MORN5: variants seen among roughly 807,000 people sequenced by gnomAD.
MORN5 encodes MORN repeat containing 5, also known as MORN repeat-containing protein 5.
MORN5 carries 21 observed loss-of-function variants against 22.1 expected under a neutral mutation model. The observed-to-expected ratio is 0.95, with a 90% CI of 0.67 to 1.37. MORN5 has a LOEUF of 1.37. MORN5 is among the 40% of genes most tolerant of loss of function. MORN5 has a pLI of 0.00. For missense variants in MORN5, 211 were observed against 215.1 expected, an observed-to-expected ratio of 0.98 and a Z score of 0.12; for synonymous variants, 73 against 74.0, an observed-to-expected ratio of 0.99 and a Z score of 0.07.
chr9:122,182,470 G>A (rs1178915343), intron 4 of MORN5, among the ~76,000 whole-genome samples: 1 of 152,250 alleles, frequency 6.6e-6, no homozygotes, highest in Non-Finnish European at 1.5e-5. Context: ...GCTTACCTTG[G>A]CCATGTGCAG....
At chr9:122,179,617 C>T (rs1687944552) in intron 4 of MORN5, among the ~76,000 whole-genome samples, 1 of 152,076 alleles carries the variant, frequency 6.6e-6, no homozygotes, top group Non-Finnish European at 1.5e-5. Context: ...AGGGCCCTTC[C>T]AACCTTAAGT....
chr9:122,187,306 T>C (rs1004459083), intron 4 of MORN5, among the ~76,000 whole-genome samples: 2 of 152,234 alleles, frequency 1.3e-5, no homozygotes, highest in Non-Finnish European at 2.9e-5. Flanking sequence ...CTGCTTTTAA[T>C]TCTAATTTCA....
intron 4 of MORN5, among the ~76,000 whole-genome samples, chr9:122,176,246 C>A (rs1397161462): frequency 6.6e-6 from 1 of 152,088 alleles, no homozygotes; most frequent in Non-Finnish European, 1.5e-5. Flanking sequence ...CACTCCAAGT[C>A]CCCCAGCTCA....
intron 4 of MORN5, among the ~76,000 whole-genome samples, chr9:122,192,781 A>G (rs992471149): frequency 6.6e-6 from 1 of 152,244 alleles, no homozygotes; most frequent in African/African-American, 2.4e-5. Flanking sequence ...AGGAACCAGC[A>G]GCTGGCGGTC....
Position 122,185,418 on chromosome 9 carries a change from G to A in MORN5, c.439+10791G>A, listed in dbSNP as rs547593750. 1.4e-3 allele frequency among the ~76,000 whole-genome samples: 200 copies of A among 144,284 alleles called. 1 individual carries two copies. Among genetic ancestry groups the A allele is most frequent in the African/African-American group, 5.0e-3 (186 of 37,144 alleles). The allele number at this position is 144,284 out of a possible 152,430, so 94.7% of individuals were successfully genotyped here. Reference sequence around the variant, plus strand: ...TTTTTTTTGTATTTTTAGTAGAGTCGGGGTTTCACCATGTAGCCAGGATGG... The same window carrying A: ...TTTTTTTTGTATTTTTAGTAGAGTCAGGGTTTCACCATGTAGCCAGGATGG... On this transcript the variant is annotated intron_variant, in intron 4 of 4. Transcript: ENST00000373764.
intron 4 of MORN5, among the ~76,000 whole-genome samples, chr9:122,186,227 C>A (rs1440038644): frequency 6.6e-6 from 1 of 152,086 alleles, no homozygotes; most frequent in Non-Finnish European, 1.5e-5. Flanking sequence ...AGGAATAGAC[C>A]ATTATTCGTA....
At chr9:122,161,731 T>C (rs1293450664) in intron 1 of MORN5, among the ~76,000 whole-genome samples, 1 of 152,210 alleles carries the variant, frequency 6.6e-6, no homozygotes. Flanking sequence ...GGGCTGTATA[T>C]GGGTGAGAGA....
intron 4 of MORN5, among the ~76,000 whole-genome samples, chr9:122,183,707 C>T (rs182363174): frequency 1.3e-5 from 2 of 152,302 alleles, no homozygotes; most frequent in East Asian, 3.9e-4. Flanking sequence ...GCACATCTGG[C>T]AAATGTCCTA....
chr9:122,179,177 G>A (rs957779986), intron 4 of MORN5, among the ~76,000 whole-genome samples: 1 of 152,182 alleles, frequency 6.6e-6, no homozygotes, highest in Non-Finnish European at 1.5e-5. Flanking sequence ...CATAAATAGG[G>A]AGCTCCAAGT....
rs1240348041 is a variant in MORN5 at position 122,197,264 on chromosome 9, T to C, written c.440-2621T>C. Among the ~76,000 whole-genome samples, 1 of 151,666 alleles carries C rather than the reference T, an allele frequency of 6.6e-6. No homozygotes were observed. The highest frequency in any genetic ancestry group is 2.4e-5 in the African/African-American group (1 of 41,014). On this transcript the variant is annotated intron_variant, in intron 4 of 4. Coordinates refer to ENST00000373764, the MANE Select transcript of MORN5 (RefSeq NM_198469.4). This position sits in a 1 kb window ranked among gnomAD's most constrained non-coding sequence, Gnocchi z 5.7. ...GAGTTTGTGGGGTGTTTTTCCCCCA[T>C]CTTTTTTCTCCCTCCTTTCCCTCTC...
At chr9:122,162,022 G>T (rs1829207903) in intron 1 of MORN5, among the ~76,000 whole-genome samples, 1 of 152,122 alleles carries the variant, frequency 6.6e-6, no homozygotes, top group Admixed American at 6.5e-5. Flanking sequence ...TACTGATTTT[G>T]TATTTTTAAC....
intron 4 of MORN5, among the ~76,000 whole-genome samples, chr9:122,185,455 T>C (rs527777877): frequency 6.9e-6 from 1 of 144,274 alleles, no homozygotes; most frequent in South Asian, 2.3e-4. Context: ...CTCGATCTCC[T>C]GACCTCGTGA....
chr9:122,184,821 A>C (rs1399884213), intron 4 of MORN5, among the ~76,000 whole-genome samples: 1 of 152,242 alleles, frequency 6.6e-6, no homozygotes, highest in East Asian at 1.9e-4. Context: ...GCAGAGCTGG[A>C]ATTGGAAGCC....
At chr9:122,191,883 T>C (rs1564423778) in intron 4 of MORN5, among the ~76,000 whole-genome samples, 1 of 152,242 alleles carries the variant, frequency 6.6e-6, no homozygotes, top group East Asian at 1.9e-4. Context: ...CCCTCCATCC[T>C]GGCAGGGAAC....
At chr9:122,165,516 A>G (rs1829263682) in intron 1 of MORN5, among the ~76,000 whole-genome samples, 1 of 151,942 alleles carries the variant, frequency 6.6e-6, no homozygotes, top group South Asian at 2.1e-4. Context: ...TTGAGGCTGC[A>G]TTGAGCCATG....
At chr9:122,160,424 C>T (rs1221454677) in intron 1 of MORN5, among the ~76,000 whole-genome samples, 1 of 152,216 alleles carries the variant, frequency 6.6e-6, no homozygotes, top group East Asian at 1.9e-4. Context: ...TGAATCTACA[C>T]GGTCGCTTCC....
At position 122,199,870 on chromosome 9, in the gene MORN5, C is replaced by A. The variant is rs1829976862; in HGVS notation, c.440-15C>A. On this transcript the variant is annotated splice_polypyrimidine_tract_variant and intron_variant, in intron 4 of 4. Coordinates refer to ENST00000373764, the MANE Select transcript of MORN5 (RefSeq NM_198469.4). ...CGAGCACCAAGCATGACCAGCTCTT[C>A]CTCTTTCCTTGCAGATGATGACGAG... 1 of 1,613,810 alleles carries A rather than the reference C, an allele frequency of 6.2e-7. No homozygotes were observed. The highest frequency in any genetic ancestry group is 1.3e-5 in the African/African-American group (1 of 74,926).
intron 1 of MORN5, among the ~76,000 whole-genome samples, chr9:122,160,656 C>T (rs1322400884): frequency 6.6e-6 from 1 of 151,586 alleles, no homozygotes; most frequent in Admixed American, 6.6e-5. Flanking sequence ...GCTCTGTTGC[C>T]CTGGCTGGAG....
chr9:122,187,133 C>T (rs556107867), intron 4 of MORN5, among the ~76,000 whole-genome samples: 5 of 152,342 alleles, frequency 3.3e-5, no homozygotes, highest in South Asian at 2.1e-4. Context: ...GCAAGAACAG[C>T]GGCTGGCCCT....
Sources: gnomAD v4.1 joint callset for allele counts (sites outside exome capture counted in the v4.1 genomes callset) on GRCh38, gnomAD v4.1.1 for gene constraint, Gnocchi (gnomAD v3.1) non-coding constraint, MANE v1.5 for transcripts, NCBI Gene and HGNC (gene_info 2026-07-23, HGNC 2026-07-21) for gene names.